The following LUZP2 variants were observed in gnomAD, a reference collection of about 807,000 sequenced individuals.
LUZP2 encodes the protein leucine zipper protein 2.
A neutral mutation model predicts 51.6 loss-of-function variants in LUZP2; 52 were observed. The ratio of observed to expected loss-of-function variants is 1.01; its 90% CI spans 0.81 to 1.27. The LOEUF is 1.27. Among genes scored for constraint, LUZP2 ranks in the 50% most tolerant of loss-of-function variants. LUZP2 has a pLI of 0.00. For synonymous variants in LUZP2, 154 were observed against 137.3 expected (o/e 1.12, Z -0.85); for missense variants, 436 against 395.4 (o/e 1.10, Z -0.87).
intron 5 of LUZP2, among the ~76,000 whole-genome samples, chr11:24,879,386 C>T (rs187398572): frequency 2.7e-4 from 41 of 152,142 alleles, no homozygotes; most frequent in African/African-American, 6.5e-4. Flanking sequence ...TATGCATGTA[C>T]GTATGTCTTT....
intron 5 of LUZP2, among the ~76,000 whole-genome samples, chr11:24,767,659 T>C (rs1310326942): frequency 1.3e-5 from 2 of 152,184 alleles, no homozygotes; most frequent in East Asian, 1.9e-4. Flanking sequence ...TAACGTCACT[T>C]ACAAAGCCTA....
At chr11:24,677,079 C>T (rs1295892342) in intron 1 of LUZP2, among the ~76,000 whole-genome samples, 1 of 151,706 alleles carries the variant, frequency 6.6e-6, no homozygotes, top group African/African-American at 2.4e-5. Context: ...TGTAGCTTTA[C>T]CTTTTCTGCC....
At chr11:24,652,407 G>C (rs1855655939) in intron 1 of LUZP2, among the ~76,000 whole-genome samples, 2 of 152,030 alleles carry the variant, frequency 1.3e-5, no homozygotes, top group African/African-American at 2.4e-5. Context: ...GAATTCAGTA[G>C]AGAAGCCTCA....
At chr11:25,063,197 G>A (rs1434711294) in intron 10 of LUZP2, among the ~76,000 whole-genome samples, 1 of 151,528 alleles carries the variant, frequency 6.6e-6, no homozygotes, top group African/African-American at 2.4e-5. Flanking sequence ...TATTATATTA[G>A]GTGCCATAAT....
At chr11:25,069,041 A>G (rs919093545) in intron 10 of LUZP2, among the ~76,000 whole-genome samples, 11 of 151,958 alleles carry the variant, frequency 7.2e-5, no homozygotes, top group Non-Finnish European at 1.3e-4. Flanking sequence ...TCAGGCCCAA[A>G]TGTGTACCAA....
chr11:24,682,649 C>T lies in LUZP2; in HGVS notation c.63-46520C>T, dbSNP rs544824662. Among the ~76,000 whole-genome samples the T allele has an allele frequency of 2.3e-4, 34 of 149,692 alleles. No individual in the cohort carries two copies. The South Asian group carries it at 6.6e-3, about 29-fold the overall frequency. On this transcript the variant is annotated intron_variant, in intron 1 of 11. Transcript: ENST00000336930. ...ATATATACACATATATATACACACACACACATACACATATATTTTAAATCC... is the reference window on the plus strand; with the variant it reads ...ATATATACACATATATATACACACATACACATACACATATATTTTAAATCC...
At chr11:24,888,329 G>A (rs1852736335) in intron 5 of LUZP2, among the ~76,000 whole-genome samples, 1 of 151,950 alleles carries the variant, frequency 6.6e-6, no homozygotes, top group Admixed American at 6.6e-5. Context: ...TGTCATTATT[G>A]GGTATGATTA....
Position 24,500,841 on chromosome 11 carries a change from C to T in LUZP2, c.62+3536C>T, listed in dbSNP as rs966718783. 2.6e-5 allele frequency among the ~76,000 whole-genome samples: 4 copies of T among 152,080 alleles called. No individual in the cohort carries two copies. The East Asian group carries it at 7.7e-4, about 29-fold the overall frequency. On this transcript the variant is annotated intron_variant, in intron 1 of 11. Coordinates refer to ENST00000336930, the MANE Select transcript of LUZP2 (RefSeq NM_001009909.4). ...TCCTGGACTGTCTGATCAGCAGTCA[C>T]ACTACATGTTTATTTTGGAATCTAT...
At chr11:24,885,211 G>GC (rs1852631773) in intron 5 of LUZP2, among the ~76,000 whole-genome samples, 1 of 152,024 alleles carries the variant, frequency 6.6e-6, no homozygotes, top group South Asian at 2.1e-4. Flanking sequence ...TGATGTCAAA[G>GC]CCCTCAACCT....
chr11:24,666,662 G>C (rs961783189), intron 1 of LUZP2, among the ~76,000 whole-genome samples: 1 of 152,114 alleles, frequency 6.6e-6, no homozygotes, highest in Non-Finnish European at 1.5e-5. Flanking sequence ...TTCTCACCTG[G>C]AAGAGAGGTT....
At chr11:24,953,555 G>C (rs534128913) in intron 7 of LUZP2, among the ~76,000 whole-genome samples, 4 of 152,074 alleles carry the variant, frequency 2.6e-5, no homozygotes, top group Non-Finnish European at 5.9e-5. Flanking sequence ...AGGAGGGACT[G>C]AAAAAGCTCC....
intron 5 of LUZP2, among the ~76,000 whole-genome samples, chr11:24,903,663 C>G (rs971961437): frequency 9.2e-5 from 14 of 152,114 alleles, no homozygotes; most frequent in African/African-American, 3.4e-4. Flanking sequence ...ATGTCTGAAT[C>G]CTGTGTGTTT....
chr11:24,848,124 C>G (rs1338796903), intron 5 of LUZP2, among the ~76,000 whole-genome samples: 1 of 134,318 alleles, frequency 7.4e-6, no homozygotes, highest in Admixed American at 7.5e-5. Context: ...TCTCAGCAAA[C>G]AGGACTAATA....
chr11:24,860,035 C>T (rs1277484064), intron 5 of LUZP2, among the ~76,000 whole-genome samples: 1 of 152,220 alleles, frequency 6.6e-6, no homozygotes, highest in Non-Finnish European at 1.5e-5. Context: ...GGACTCACAA[C>T]TGCCTAACTC....
chr11:24,626,831 C>A (rs1188032037), intron 1 of LUZP2, among the ~76,000 whole-genome samples: 1 of 152,146 alleles, frequency 6.6e-6, no homozygotes, highest in African/African-American at 2.4e-5. Context: ...ATCTGCTTCA[C>A]TTTATAATGG....
intron 5 of LUZP2, among the ~76,000 whole-genome samples, chr11:24,873,644 C>T (rs1012312864): frequency 6.6e-6 from 1 of 151,778 alleles, no homozygotes; most frequent in South Asian, 2.1e-4. Context: ...GGTGGCCAAG[C>T]TTAAACTGAA....
chr11:24,764,970 AAAT>A (rs1314676607), intron 5 of LUZP2, among the ~76,000 whole-genome samples: 1 of 152,190 alleles, frequency 6.6e-6, no homozygotes, highest in Non-Finnish European at 1.5e-5. Flanking sequence ...AACCCTACAG[AAAT>A]AATATCTGCT....
intron 1 of LUZP2, among the ~76,000 whole-genome samples, chr11:24,512,630 A>C (rs987125534): frequency 2.6e-5 from 4 of 152,196 alleles, no homozygotes; most frequent in Admixed American, 1.3e-4. Context: ...GAATGATTTT[A>C]CATTGTTGTT....
chr11:24,564,904 A>T (rs896232689), intron 1 of LUZP2, among the ~76,000 whole-genome samples: 4 of 152,174 alleles, frequency 2.6e-5, no homozygotes, highest in Admixed American at 1.3e-4. Context: ...GAGATAAATT[A>T]GGTCTAGTAA....
Sources: gnomAD v4.1 joint callset for allele counts (sites outside exome capture counted in the v4.1 genomes callset) on GRCh38, gnomAD v4.1.1 for gene constraint, MANE v1.5 for transcripts, NCBI Gene and HGNC (gene_info 2026-07-23, HGNC 2026-07-21) for gene names.